AMOT: variants seen among roughly 807,000 people sequenced by gnomAD.
AMOT encodes angiomotin.
A neutral mutation model predicts 67.0 loss-of-function variants in AMOT; 11 were observed. The observed-to-expected ratio is 0.16, with a 90% CI of 0.10 to 0.27. AMOT has a LOEUF of 0.27. Ranked by LOEUF, AMOT falls within the 10% of genes least tolerant of loss-of-function variation. The pLI, the probability that AMOT is intolerant of heterozygous loss-of-function variation, is 1.00. For synonymous variants in AMOT, 326 were observed against 321.4 expected, an observed-to-expected ratio of 1.01 and a Z score of -0.15; for missense variants, 753 against 852.0, an observed-to-expected ratio of 0.88 and a Z score of 1.45.
chrX:112,777,554 C>T lies in AMOT; in HGVS notation c.*1013G>A, dbSNP rs1166109254. On this transcript the variant is annotated 3_prime_UTR_variant, in exon 14 of 14. Coordinates refer to ENST00000371959, the MANE Select transcript of AMOT (RefSeq NM_001113490.2). ...AAAACAAGTTATTTCAAAGTAGTCACCAGAAATTCAAAGCATTCAACCTGT... is the reference window on the plus strand; with the variant it reads ...AAAACAAGTTATTTCAAAGTAGTCATCAGAAATTCAAAGCATTCAACCTGT... 1 of 112,301 alleles carries T rather than the reference C, an allele frequency of 8.9e-6. No homozygotes were observed. The highest frequency in any genetic ancestry group is 9.4e-5 in the Admixed American group (1 of 10,621). 9.3% of individuals were successfully genotyped at this position (112,301 alleles called of 1,213,427 possible). A position where few individuals can be genotyped will look rare whatever the true frequency, so the allele number is the denominator to read the frequency against.
At chrX:112,795,558 C>T (rs764556100) in intron 8 of AMOT, among the ~76,000 whole-genome samples, 9 of 111,133 alleles carry the variant, frequency 8.1e-5, no homozygotes, top group South Asian at 7.7e-4. Context: ...ATGGCAGAGT[C>T]GAACAGCTGA....
intron 1 of AMOT, among the ~76,000 whole-genome samples, chrX:112,833,470 G>A (rs1445510956): frequency 2.7e-5 from 2 of 74,119 alleles, no homozygotes; most frequent in Non-Finnish European, 4.8e-5. Context: ...GAATGTTCCT[G>A]GGAGTAAAGG....
At chrX:112,794,834 A>G (rs770673834) in intron 8 of AMOT, among the ~76,000 whole-genome samples, 2 of 111,715 alleles carry the variant, frequency 1.8e-5, no homozygotes, top group East Asian at 5.7e-4. Context: ...ATTAATACCA[A>G]GCCATACACA....
In AMOT at chrX:112,779,134, G is replaced by A; in HGVS notation, c.3020C>T (p.Ala1007Val). The change falls in exon 13 of 14, where the codon GCT becomes GTT. Residue 1007 changes from alanine to valine, a missense_variant. Physicochemically the swap from Ala to Val is moderately conservative, Grantham distance 64. This residue lies in a region of AMOT where 269 missense variants were observed against 300.9 expected (regional missense o/e 0.89). Coordinates refer to ENST00000371959, the MANE Select transcript of AMOT (RefSeq NM_001113490.2). The stretch of plus-strand genomic sequence containing the variant: ...AGCTGGAGTTGGAGCCACAGCCGGA[G>A]CTGAAGTTGGTGCCTGAGTCTGAGC... ...APAQTQAPTS[A>V]PAVAPTPAPT... is the part of the protein sequence containing the mutation. 9.4e-7 allele frequency: 1 copy of A among 1,065,026 alleles called. No homozygotes were observed. Among genetic ancestry groups the A allele is most frequent in the East Asian group, 3.0e-5 (1 of 33,253 alleles). The allele number at this position is 1,065,026 out of a possible 1,213,427, so 87.8% of individuals were successfully genotyped here. A position where few individuals can be genotyped will look rare whatever the true frequency, so the allele number is the denominator to read the frequency against.
Position 112,776,048 on chromosome X carries a change from A to G in AMOT, c.*2519T>C, listed in dbSNP as rs763546169. On this transcript the variant is annotated 3_prime_UTR_variant, in exon 14 of 14. Coordinates refer to ENST00000371959, the MANE Select transcript of AMOT (RefSeq NM_001113490.2). ...TCTTCTTCCCTCTCTTGGATGTACA[A>G]TGTTATTTTAGCAAATTATCGGGGA... The G allele has an allele frequency of 8.9e-6, 1 of 112,634 alleles. No homozygotes were observed. Among genetic ancestry groups the G allele is most frequent in the Admixed American group, 9.4e-5 (1 of 10,653 alleles). 9.3% of individuals were successfully genotyped at this position (112,634 alleles called of 1,213,427 possible). A position where few individuals can be genotyped will look rare whatever the true frequency, so the allele number is the denominator to read the frequency against.
intron 7 of AMOT, among the ~76,000 whole-genome samples, chrX:112,807,914 T>C (rs987108711): frequency 1.8e-5 from 2 of 112,006 alleles, no homozygotes; most frequent in Non-Finnish European, 3.8e-5. Flanking sequence ...TCCATGTTTC[T>C]GAATCAAATC....
At chrX:112,803,803 T>C (rs1327989349) in intron 8 of AMOT, among the ~76,000 whole-genome samples, 1 of 112,820 alleles carries the variant, frequency 8.9e-6, no homozygotes, top group Non-Finnish European at 1.9e-5. Context: ...GCCAGAATGC[T>C]TTTTAAATGC....
In AMOT at chrX:112,790,599, C is replaced by T; in HGVS notation, c.2110G>A (p.Ala704Thr). Residue 704 changes from alanine (A) to threonine (T), a missense_variant, in exon 10 of 14, where the codon GCT (alanine) becomes ACT (threonine). By Grantham distance (58) the Ala-to-Thr change is moderately conservative (BLOSUM62 0). Around this residue, in one of 5 missense-constraint regions of AMOT, gnomAD observed 269 missense variants for 300.9 expected, o/e 0.89. Transcript: ENST00000371959. The part of the protein sequence containing the change: ...FALDAAATVA[A>T]QRDTTVISHS... ...TACCAGCTACCTACTTACCTCTGAG[C>T]AGCCACAGTTGCAGCAGCATCCAGA... 1 of 1,203,231 alleles carries T rather than the reference C, an allele frequency of 8.3e-7. No homozygotes were observed. Among genetic ancestry groups the T allele is most frequent in the Non-Finnish European group, 1.1e-6 (1 of 891,091 alleles).
chrX:112,804,898 T>TGCCCCCCCCC, intron 8 of AMOT, 49 bp downstream of exon 8: 4 of 837,582 alleles, frequency 4.8e-6, no homozygotes, highest in Non-Finnish European at 6.9e-6. Flanking sequence ...GTCCCCGATT[T>TGCCCCCCCCC]CCCAGCCCTC....
chrX:112,838,365 CA>C (rs1226996041), intron 1 of AMOT, among the ~76,000 whole-genome samples: 1 of 112,132 alleles, frequency 8.9e-6, no homozygotes, highest in Non-Finnish European at 1.9e-5. Context: ...CGCTTAATTA[CA>C]AAGACACCCT....
chrX:112,834,395 T>G, intron 1 of AMOT, among the ~76,000 whole-genome samples: 1 of 111,368 alleles, frequency 9.0e-6, no homozygotes, highest in Non-Finnish European at 1.9e-5. Flanking sequence ...GGGGTATATA[T>G]AAGGGGAAAA....
chrX:112,831,445 C>CAATAAATA (rs35986965), intron 2 of AMOT, among the ~76,000 whole-genome samples: 1,308 of 94,573 alleles, frequency 0.014, 19 homozygotes, highest in East Asian at 0.028. Context: ...CCTAGGGTGG[C>CAATAAATA]AATAAATAAA....
At chrX:112,835,820 G>A (rs920922925) in intron 1 of AMOT, among the ~76,000 whole-genome samples, 1 of 111,348 alleles carries the variant, frequency 9.0e-6, no homozygotes, top group Non-Finnish European at 1.9e-5. Context: ...CTGACCTTAG[G>A]TGATCCGCCC....
At chrX:112,785,940 A>G (rs961264331) in intron 10 of AMOT, among the ~76,000 whole-genome samples, 27 of 112,437 alleles carry the variant, frequency 2.4e-4, no homozygotes, top group African/African-American at 8.4e-4. Context: ...AAACTGAGGA[A>G]AGGCTCTTTT....
intron 1 of AMOT, among the ~76,000 whole-genome samples, chrX:112,837,384 T>G (rs1935156269): frequency 8.9e-6 from 1 of 112,095 alleles, no homozygotes; most frequent in Non-Finnish European, 1.9e-5. Context: ...CCAGTTAGAG[T>G]GAATTTTTAT....
At chrX:112,780,287 A>AAT (rs901750435) in intron 12 of AMOT, 1 of 112,839 alleles carries the variant, frequency 8.9e-6, no homozygotes, top group African/African-American at 3.2e-5. Flanking sequence ...TTAAAATAAA[A>AAT]ATATATATAA....
intron 3 of AMOT, 72 bp downstream of exon 3, chrX:112,825,000 C>G (rs930824716): frequency 1.8e-5 from 2 of 108,200 alleles, no homozygotes; most frequent in African/African-American, 6.9e-5. Flanking sequence ...AGCATGCACA[C>G]AGGCACACAT....
rs191596370 is a variant in AMOT, at chrX:112,818,244, C to T, written c.873-2367G>A. On this transcript the variant is annotated intron_variant, in intron 4 of 13. Coordinates refer to ENST00000371959, the MANE Select transcript of AMOT (RefSeq NM_001113490.2). ...AGCTCCCCTGGGCCTCATCAAGCAACCCAGGCCTCTCTCTCAAACAAACTC... is the reference window on the plus strand; with the variant it reads ...AGCTCCCCTGGGCCTCATCAAGCAATCCAGGCCTCTCTCTCAAACAAACTC... Among the ~76,000 whole-genome samples, 173 of 111,190 alleles carry T rather than the reference C, an allele frequency of 1.6e-3. 1 individual carries two copies. The highest frequency in any genetic ancestry group is 2.8e-3 in the Non-Finnish European group (147 of 53,039).
chrX:112,796,701 C>T (rs1233194856), intron 8 of AMOT, among the ~76,000 whole-genome samples: 2 of 111,900 alleles, frequency 1.8e-5, no homozygotes, highest in Non-Finnish European at 3.8e-5. Context: ...CTACAGTACT[C>T]CAAGGTCCAA....
Sources: gnomAD v4.1 joint callset for allele counts (sites outside exome capture counted in the v4.1 genomes callset) on GRCh38, gnomAD v4.1.1 for gene constraint, gnomAD v4.1.1 regional missense constraint, MANE v1.5 for transcripts, NCBI Gene and HGNC (gene_info 2026-07-23, HGNC 2026-07-21) for gene names.